DSCAM: variants seen among roughly 807,000 people sequenced by gnomAD.
DSCAM encodes DS cell adhesion molecule.
In DSCAM, 47 loss-of-function variants were observed where a neutral mutation model predicts 217.7. The observed-to-expected ratio is 0.22, with a 90% CI of 0.17 to 0.28. The LOEUF (loss-of-function observed/expected upper bound fraction) is 0.28, where lower values mean the gene tolerates loss of function less well. Ranked by LOEUF, DSCAM falls within the 10% of genes least tolerant of loss-of-function variation. DSCAM has a pLI of 1.00. For synonymous variants in DSCAM, 1,056 were observed against 1,015.3 expected, an observed-to-expected ratio of 1.04 and a Z score of -0.76; for missense variants, 2,080 against 2,618.3, an observed-to-expected ratio of 0.79 and a Z score of 4.49.
At chr21:40,062,790 A>T in intron 28 of DSCAM, 79 bp downstream of exon 28, 2 of 1,365,346 alleles carry the variant, frequency 1.5e-6, no homozygotes, top group South Asian at 2.8e-5. Context: ...TGCCATTATT[A>T]AAAAAATAGA....
At chr21:40,719,478 T>C (rs1231776037) in intron 1 of DSCAM, among the ~76,000 whole-genome samples, 1 of 152,168 alleles carries the variant, frequency 6.6e-6, no homozygotes, top group South Asian at 2.1e-4. Flanking sequence ...CACATGCATA[T>C]GTCCATCAAA....
chr21:40,540,837 G>C (rs1332486110), intron 3 of DSCAM, among the ~76,000 whole-genome samples: 1 of 151,920 alleles, frequency 6.6e-6, no homozygotes, highest in Non-Finnish European at 1.5e-5. Context: ...TAACAACTGA[G>C]AGAAAATATT....
chr21:40,142,507 C>A, intron 18 of DSCAM, 51 bp downstream of exon 18: 1 of 1,602,950 alleles, frequency 6.2e-7, no homozygotes. Context: ...CTGCAAATTC[C>A]ATCATGCATT....
chr21:40,749,305 CTATT>C (rs2091204851), intron 1 of DSCAM, among the ~76,000 whole-genome samples: 3 of 151,958 alleles, frequency 2.0e-5, no homozygotes, highest in Non-Finnish European at 2.9e-5. Context: ...GGAAAAAAAA[CTATT>C]TGTGCACTAT....
At chr21:40,302,043 T>A (rs2123463786) in intron 9 of DSCAM, among the ~76,000 whole-genome samples, 1 of 152,334 alleles carries the variant, frequency 6.6e-6, no homozygotes, top group South Asian at 2.1e-4. Context: ...GTACTCTATA[T>A]TGTCTGGGTG....
chr21:40,668,482 G>C (rs557301108), intron 3 of DSCAM, among the ~76,000 whole-genome samples: 2 of 152,296 alleles, frequency 1.3e-5, no homozygotes, highest in East Asian at 3.9e-4. Flanking sequence ...AATCCACCCA[G>C]GGGGTTGTAA....
intron 11 of DSCAM, among the ~76,000 whole-genome samples, chr21:40,255,805 G>A (rs529507923): frequency 9.8e-5 from 15 of 152,298 alleles, no homozygotes; most frequent in Admixed American, 2.0e-4. Context: ...CTGACAGCTG[G>A]CAGGGAAGCA....
chr21:40,653,292 G>A (rs1467916570), intron 3 of DSCAM, among the ~76,000 whole-genome samples: 2 of 152,236 alleles, frequency 1.3e-5, no homozygotes, highest in African/African-American at 2.4e-5. Flanking sequence ...TTAACGACAC[G>A]GTCTTGGAGC....
At chr21:40,234,514 G>A (rs1389360605) in intron 11 of DSCAM, among the ~76,000 whole-genome samples, 1 of 152,178 alleles carries the variant, frequency 6.6e-6, no homozygotes, top group Non-Finnish European at 1.5e-5. Context: ...TCAAGATGTG[G>A]CTGGTTCTTG....
At chr21:40,583,318 T>C (rs758587408) in intron 3 of DSCAM, among the ~76,000 whole-genome samples, 1 of 152,240 alleles carries the variant, frequency 6.6e-6, no homozygotes, top group Non-Finnish European at 1.5e-5. Context: ...CTGGGTTTGA[T>C]TTCCATTGAT....
At chr21:40,418,564 G>A (rs2075393520) in intron 3 of DSCAM, among the ~76,000 whole-genome samples, 1 of 152,112 alleles carries the variant, frequency 6.6e-6, no homozygotes, top group Admixed American at 6.6e-5. Flanking sequence ...CTTTTGCTCA[G>A]GATTGCCGGT....
chr21:40,144,032 G>A lies in DSCAM; in HGVS notation c.3259+459C>T, dbSNP rs2090324176. ...TAATTTATCTCGGCCGCTAGGGGGC[G>A]ATCGATCACTGTGCAATCTGAAAAT... On this transcript the variant is annotated intron_variant, in intron 17 of 32. Coordinates refer to ENST00000400454, the MANE Select transcript of DSCAM (RefSeq NM_001389.5). The surrounding 1 kb of genome is among the most constrained non-coding windows in gnomAD (Gnocchi z 4.8). 6.6e-6 allele frequency among the ~76,000 whole-genome samples: 1 copy of A among 152,166 alleles called. No individual in the cohort carries two copies. The highest frequency in any genetic ancestry group is 2.1e-4 in the South Asian group (1 of 4,836).
At chr21:40,118,939 A>G (rs1443071201) in intron 20 of DSCAM, among the ~76,000 whole-genome samples, 7 of 152,170 alleles carry the variant, frequency 4.6e-5, no homozygotes. Flanking sequence ...CATGGACCAG[A>G]ATCTTATGAC....
intron 3 of DSCAM, among the ~76,000 whole-genome samples, chr21:40,510,358 T>C (rs188913215): frequency 7.2e-5 from 11 of 152,334 alleles, no homozygotes; most frequent in South Asian, 2.1e-4. Context: ...GGTTGTTACA[T>C]TGTAATAAGT....
intron 3 of DSCAM, among the ~76,000 whole-genome samples, chr21:40,539,445 C>T (rs2076526598): frequency 6.6e-6 from 1 of 151,208 alleles, no homozygotes; most frequent in African/African-American, 2.4e-5. Context: ...GCAGTGACCC[C>T]AGATTGTGTC....
In DSCAM at chr21:40,084,945, G is replaced by T. The variant is rs1031856268; in HGVS notation, c.4132+657C>A. On this transcript the variant is annotated intron_variant, in intron 23 of 32. Transcript: ENST00000400454. The stretch of plus-strand genomic sequence containing the variant: ...TTTTTACTTGCTGTAATCTATTAAT[G>T]TGACAACACCTAAATCCAAAGAAGC... 1.3e-4 allele frequency among the ~76,000 whole-genome samples: 19 copies of T among 149,820 alleles called. No individual in the cohort carries two copies. The Admixed American group carries it at 1.3e-3, about 10-fold the overall frequency.
chr21:40,556,355 T>C (rs1370435220), intron 3 of DSCAM, among the ~76,000 whole-genome samples: 1 of 152,204 alleles, frequency 6.6e-6, no homozygotes, highest in African/African-American at 2.4e-5. Flanking sequence ...TTTTGTATGT[T>C]ATCTGTATTA....
At chr21:40,163,414 A>G (rs528964134) in intron 16 of DSCAM, among the ~76,000 whole-genome samples, 2 of 152,340 alleles carry the variant, frequency 1.3e-5, no homozygotes, top group African/African-American at 4.8e-5. Flanking sequence ...TGTTTCTCCA[A>G]GAATGTCAAA....
At chr21:40,616,960 T>C (rs2089404770) in intron 3 of DSCAM, among the ~76,000 whole-genome samples, 1 of 126,646 alleles carries the variant, frequency 7.9e-6, no homozygotes, top group Admixed American at 9.2e-5. Context: ...GAGCTTGCAG[T>C]GAGCCGAGAT....
Sources: gnomAD v4.1 joint callset for allele counts (sites outside exome capture counted in the v4.1 genomes callset) on GRCh38, gnomAD v4.1.1 for gene constraint, Gnocchi (gnomAD v3.1) non-coding constraint, MANE v1.5 for transcripts, NCBI Gene and HGNC (gene_info 2026-07-23, HGNC 2026-07-21) for gene names.